Variants in ITPRID2 observed in about 807,000 individuals in gnomAD.
ITPRID2 encodes the protein ITPR interacting domain containing 2, also known as protein ITPRID2.
ITPRID2 carries 60 observed loss-of-function variants against 124.3 expected under a neutral mutation model. That is an observed-to-expected ratio of 0.48 (90% CI 0.39 to 0.60). ITPRID2 has a LOEUF of 0.60. ITPRID2 is among the 20% of genes least tolerant of loss of function. ITPRID2 has a pLI of 0.00. For synonymous variants in ITPRID2, 521 were observed against 542.9 expected (o/e 0.96, Z 0.56); for missense variants, 1,553 against 1,512.2 (o/e 1.03, Z -0.45).
intron 16 of ITPRID2, among the ~76,000 whole-genome samples, chr2:181,926,520 T>C (rs1033604813): frequency 6.6e-6 from 1 of 152,058 alleles, no homozygotes; most frequent in South Asian, 2.1e-4. Flanking sequence ...GAGACCATCT[T>C]GGCTAACATG....
Position 181,919,297 on chromosome 2 carries a change from T to C in ITPRID2, c.2995T>C (p.Phe999Leu). ...TTGTGCCCTTCACCATACCAATAGG[T>C]TTGAAGTTGATCAGCTCCAGGGTTT... is the stretch of plus-strand genomic sequence containing the variant. ...VYHHMTEEER[F>L]EVDQLQGLRN... The change falls in exon 14 of 18, where the codon TTT becomes CTT. Residue 999 changes from phenylalanine to leucine, a missense_variant and splice_region_variant. Physicochemically the swap from Phe to Leu is conservative, Grantham distance 22. Transcript: ENST00000431877. The surrounding 1 kb of genome is among the most constrained non-coding windows in gnomAD (Gnocchi z 4.2). The C allele has an allele frequency of 6.2e-7, 1 of 1,613,946 alleles. No individual in the cohort carries two copies. Among genetic ancestry groups the C allele is most frequent in the Non-Finnish European group, 8.5e-7 (1 of 1,180,020 alleles).
At chr2:181,924,974 A>G (rs569633815) in intron 16 of ITPRID2, among the ~76,000 whole-genome samples, 15 of 152,374 alleles carry the variant, frequency 9.8e-5, no homozygotes, top group African/African-American at 3.4e-4. Context: ...AATAGGATGA[A>G]TGAATACATG....
At chr2:181,922,994 A>G (rs1040725996) in intron 16 of ITPRID2, among the ~76,000 whole-genome samples, 1 of 152,198 alleles carries the variant, frequency 6.6e-6, no homozygotes. Context: ...AATAAGTATA[A>G]ATAGATTGAT....
Position 181,929,608 on chromosome 2 carries a change from A to G in ITPRID2, c.*61A>G. ...GTGTAATACTGGAATTATCAATGAT[A>G]TGCACTGGTGGAGGTGTTATTTGTG... On this transcript the variant is annotated 3_prime_UTR_variant, in exon 18 of 18. Coordinates refer to ENST00000431877, the MANE Select transcript of ITPRID2 (RefSeq NM_001130445.3). 1 of 1,613,254 alleles carries G rather than the reference A, an allele frequency of 6.2e-7. No homozygotes were observed. Among genetic ancestry groups the G allele is most frequent in the Non-Finnish European group, 8.5e-7 (1 of 1,179,478 alleles).
Position 181,919,336 on chromosome 2 carries a change from C to T in ITPRID2, c.3034C>T (p.Arg1012Ter), listed in dbSNP as rs763758859. Residue 1012 changes from arginine to a stop codon, truncating the protein, a stop_gained, in exon 14 of 18, where the codon CGA becomes TGA. Transcript: ENST00000431877. LOFTEE classifies it high-confidence loss of function. The surrounding 1 kb of genome is among the most constrained non-coding windows in gnomAD (Gnocchi z 4.2). ...DQLQGLRNSV[R>*]MELQDLELQL... ...GCTCCAGGGTTTGAGAAATTCAGTCCGAATGGAACTTCAGGACCTGGAACT... is the reference window on the plus strand; with the variant it reads ...GCTCCAGGGTTTGAGAAATTCAGTCTGAATGGAACTTCAGGACCTGGAACT... The T allele has an allele frequency of 1.2e-6, 2 of 1,614,084 alleles. No individual in the cohort carries two copies. The highest frequency in any genetic ancestry group is 2.2e-5 in the East Asian group (1 of 44,880).
Position 181,918,311 on chromosome 2 carries a change from G to GT in ITPRID2, c.2788-278dup, listed in dbSNP as rs1023334623. ...TTCTACATTTTTGCGTTTTGATTTT[G>GT]TTTTTTTTTAGTTTCGCAAGAGGGA... On this transcript the variant is annotated intron_variant, in intron 11 of 17. Transcript: ENST00000431877. 800 of 1,141,942 alleles carry GT rather than the reference G, an allele frequency of 7.0e-4. 1 individual carries two copies. Among genetic ancestry groups the GT allele is most frequent in the East Asian group, 2.4e-3 (51 of 21,300 alleles). The allele number at this position is 1,141,942 out of a possible 1,614,324, so 70.7% of individuals were successfully genotyped here. A position where few individuals can be genotyped will look rare whatever the true frequency, so the allele number is the denominator to read the frequency against.
Position 181,922,184 on chromosome 2 carries a change from C to G in ITPRID2, c.3447C>G (p.Phe1149Leu). Residue 1149 changes from phenylalanine to leucine, a missense_variant, in exon 16 of 18, where the codon TTC becomes TTG. Transcript: ENST00000431877. ...CATTAGTGGCAAGGAAGAAAGTGTT[C>G]CGAGCATCGGTGGCTCTAACGCCAA... ...KTPLVARKKV[F>L]RASVALTPTA... The G allele has an allele frequency of 1.9e-6, 3 of 1,614,230 alleles. No homozygotes were observed. The highest frequency in any genetic ancestry group is 2.5e-6 in the Non-Finnish European group (3 of 1,180,048).
intron 15 of ITPRID2, 128 bp downstream of exon 15, chr2:181,920,790 G>A: frequency 1.3e-6 from 1 of 766,064 alleles, no homozygotes; most frequent in South Asian, 1.9e-5. Context: ...TTGTTGATTG[G>A]AAGTGACTTT....
chr2:181,925,050 G>C (rs1014734391), intron 16 of ITPRID2, among the ~76,000 whole-genome samples: 1 of 152,224 alleles, frequency 6.6e-6, no homozygotes, highest in Admixed American at 6.5e-5. Context: ...TGTGTTTAGA[G>C]AGTTATTTGT....
In ITPRID2 at chr2:181,930,175, A is replaced by G. The variant is rs1377583488; in HGVS notation, c.*628A>G. 6.5e-6 allele frequency: 1 copy of G among 152,680 alleles called. No individual in the cohort carries two copies. The highest frequency in any genetic ancestry group is 1.5e-5 in the Non-Finnish European group (1 of 68,030). 9.5% of individuals were successfully genotyped at this position (152,680 alleles called of 1,614,324 possible). A position where few individuals can be genotyped will look rare whatever the true frequency, so the allele number is the denominator to read the frequency against. On this transcript the variant is annotated 3_prime_UTR_variant, in exon 18 of 18. Transcript: ENST00000431877. ...CTTTACCCAAGACAAATGTAATTTT[A>G]TCATTGCTTATGTAGTATTTTTCTT...
At chr2:181,923,838 G>A (rs1449279869) in intron 16 of ITPRID2, among the ~76,000 whole-genome samples, 2 of 152,076 alleles carry the variant, frequency 1.3e-5, no homozygotes, top group South Asian at 2.1e-4. Flanking sequence ...GATATGTCCT[G>A]TAGGTGATTT....
At position 181,902,470 on chromosome 2, in the gene ITPRID2, G is replaced by A; in HGVS notation, c.1413+4G>A. On this transcript the variant is annotated splice_donor_region_variant and intron_variant, in intron 8 of 17. Coordinates refer to ENST00000431877, the MANE Select transcript of ITPRID2 (RefSeq NM_001130445.3). The surrounding 1 kb of genome is among the most constrained non-coding windows in gnomAD (Gnocchi z 4.4). ...GGACTCCTTCGAAATGGAAGAGGTA[G>A]GTAAAAAATTACTGAGACTGGTTTC... The A allele has an allele frequency of 6.6e-7, 1 of 1,505,500 alleles. No individual in the cohort carries two copies. The allele number at this position is 1,505,500 out of a possible 1,614,324, so 93.3% of individuals were successfully genotyped here.
Position 181,916,084 on chromosome 2 carries a change from G to A in ITPRID2, c.2444G>A (p.Ser815Asn). 1.2e-6 allele frequency: 2 copies of A among 1,614,222 alleles called. No homozygotes were observed. The highest frequency in any genetic ancestry group is 1.7e-6 in the Non-Finnish European group (2 of 1,180,050). ...GTGAAGAAAGAAGAAGCCCCCCAGA[G>A]TGAGGCGCCGCGGGTGGAGGAATGC... Reference protein sequence around the residue: ...SSVKKEEAPQSEAPRVEECHH... With the variant: ...SSVKKEEAPQNEAPRVEECHH... Residue 815 changes from serine to asparagine, a missense_variant, in exon 11 of 18, where the codon AGT becomes AAT. Coordinates refer to ENST00000431877, the MANE Select transcript of ITPRID2 (RefSeq NM_001130445.3).
rs375748293 is a variant in ITPRID2 at position 181,915,586 on chromosome 2, G to A, written c.1946G>A (p.Ser649Asn). Residue 649 changes from serine to asparagine, a missense_variant, in exon 11 of 18, where the codon AGC becomes AAC. Coordinates refer to ENST00000431877, the MANE Select transcript of ITPRID2 (RefSeq NM_001130445.3). ...EASAESDVGKSSESEFTQYTT... is the reference protein window; with the variant it reads ...EASAESDVGKNSESEFTQYTT... The stretch of plus-strand genomic sequence containing the variant: ...AGTGCTGAAAGTGATGTGGGTAAAA[G>A]CAGTGAAAGTGAATTTACTCAGTAT... The A allele has an allele frequency of 5.9e-5, 95 of 1,614,084 alleles. No individual in the cohort carries two copies. Among genetic ancestry groups the A allele is most frequent in the Middle Eastern group, 1.6e-4 (1 of 6,084 alleles).
At chr2:181,915,152 G>A (rs940985726) in intron 10 of ITPRID2, 64 bp from the exon 11 acceptor site, 1 of 1,526,214 alleles carries the variant, frequency 6.6e-7, no homozygotes, top group South Asian at 1.3e-5. Flanking sequence ...ATGTTGGTTT[G>A]GTATTTTGTT....
chr2:181,928,764 T>C (rs1043004546), intron 17 of ITPRID2, among the ~76,000 whole-genome samples: 2 of 152,088 alleles, frequency 1.3e-5, no homozygotes, highest in Non-Finnish European at 2.9e-5. Context: ...TAGCTGGGAC[T>C]ACAGGCGCCA....
In ITPRID2 at chr2:181,902,355, G is replaced by A; in HGVS notation, c.1302G>A (p.Glu434=). 1.2e-6 allele frequency: 2 copies of A among 1,613,976 alleles called. No individual in the cohort carries two copies. Among genetic ancestry groups the A allele is most frequent in the South Asian group, 2.2e-5 (2 of 91,074 alleles). The change falls in exon 8 of 18, where the codon GAG becomes GAA. Residue 434 remains glutamate, a synonymous_variant. Coordinates refer to ENST00000431877, the MANE Select transcript of ITPRID2 (RefSeq NM_001130445.3). This position sits in a 1 kb window ranked among gnomAD's most constrained non-coding sequence, Gnocchi z 4.4. The stretch of plus-strand genomic sequence containing the variant: ...ACAGTGAGCTGGAAAATAGCAGTGA[G>A]CTGAAAAGTGTCCATATATCCACAC... The part of the protein sequence containing the change: ...SSHSELENSS[E]LKSVHISTPE...
At chr2:181,906,488 C>T (rs1693134018) in intron 8 of ITPRID2, among the ~76,000 whole-genome samples, 1 of 151,868 alleles carries the variant, frequency 6.6e-6, no homozygotes, top group Admixed American at 6.6e-5. Flanking sequence ...ACCTGTAATC[C>T]CAGCACTGTG....
chr2:181,914,257 C>T (rs1693853893), intron 10 of ITPRID2, among the ~76,000 whole-genome samples: 1 of 151,994 alleles, frequency 6.6e-6, no homozygotes, highest in African/African-American at 2.4e-5. Flanking sequence ...CATTATTTTA[C>T]AGTAATTGTT....
Sources: gnomAD v4.1 joint callset for allele counts (sites outside exome capture counted in the v4.1 genomes callset) on GRCh38, gnomAD v4.1.1 for gene constraint, Gnocchi (gnomAD v3.1) non-coding constraint, MANE v1.5 for transcripts, NCBI Gene and HGNC (gene_info 2026-07-23, HGNC 2026-07-21) for gene names.